Variants in PNPLA7 observed in about 807,000 individuals in gnomAD.
The protein encoded by PNPLA7 is patatin-like phospholipase domain-containing protein 7.
A neutral mutation model predicts 161.7 loss-of-function variants in PNPLA7; 153 were observed. The observed-to-expected ratio is 0.95, with a 90% confidence interval of 0.83 to 1.08. PNPLA7 has a LOEUF of 1.08. Among genes scored for constraint, PNPLA7 ranks in the 50% least tolerant of loss-of-function variants. The probability of loss-of-function intolerance (pLI) is 0.00; values close to 1 mark genes in which losing one functional copy is unlikely to be tolerated. For missense variants in PNPLA7, 1,739 were observed against 1,856.6 expected (o/e 0.94, Z 1.16); for synonymous variants, 809 against 782.1 (o/e 1.03, Z -0.57).
chr9:137,540,076 G>A lies in PNPLA7; in HGVS notation c.747+566C>T, dbSNP rs905433382. Among the ~76,000 whole-genome samples the A allele has an allele frequency of 1.3e-5, 2 of 152,178 alleles. No individual in the cohort carries two copies. The highest frequency in any genetic ancestry group is 2.4e-5 in the African/African-American group (1 of 41,436). ...TGGGATTACAGGTGTGAGCCACTGC[G>A]CCCGGCCCGGCAGCACCTTTCAAAA... On this transcript the variant is annotated intron_variant, in intron 8 of 34. Coordinates refer to ENST00000406427, the MANE Select transcript of PNPLA7 (RefSeq NM_001098537.3). This position sits in a 1 kb window ranked among gnomAD's most constrained non-coding sequence, Gnocchi z 5.1.
At chr9:137,549,379 A>C (rs1047006564) in intron 1 of PNPLA7, among the ~76,000 whole-genome samples, 3 of 152,082 alleles carry the variant, frequency 2.0e-5, no homozygotes, top group East Asian at 1.9e-4. Flanking sequence ...CATCCTGGCT[A>C]ACACAGTGAA....
intron 8 of PNPLA7, among the ~76,000 whole-genome samples, chr9:137,534,472 C>T (rs1360903261): frequency 6.6e-6 from 1 of 152,188 alleles, no homozygotes; most frequent in African/African-American, 2.4e-5. Context: ...CCAACAGTGT[C>T]CACTCCAGAT....
intron 20 of PNPLA7, among the ~76,000 whole-genome samples, chr9:137,489,447 G>GA (rs1415614805): frequency 6.6e-6 from 1 of 152,154 alleles, no homozygotes; most frequent in Non-Finnish European, 1.5e-5. Flanking sequence ...CAGTGACCAG[G>GA]ATGGGTCCAC....
chr9:137,504,424 C>T (rs1188098766), intron 14 of PNPLA7, among the ~76,000 whole-genome samples: 1 of 152,220 alleles, frequency 6.6e-6, no homozygotes, highest in Non-Finnish European at 1.5e-5. Flanking sequence ...GTTGGTCAGG[C>T]TGGTCTCGGA....
At chr9:137,514,304 C>A (rs558639174) in intron 12 of PNPLA7, among the ~76,000 whole-genome samples, 1 of 134,182 alleles carries the variant, frequency 7.5e-6, no homozygotes, top group Non-Finnish European at 1.5e-5. Context: ...GGGCTGTGGG[C>A]GGGTCACCTG....
rs1339922133 is a variant in PNPLA7 at position 137,463,123 on chromosome 9, T to A, written c.3344-290A>T. 5.1e-6 allele frequency: 3 copies of A among 589,862 alleles called. No individual in the cohort carries two copies. In the East Asian group the frequency reaches 8.5e-5, roughly 17 times the overall value. The allele number at this position is 589,862 out of a possible 1,614,324, so 36.5% of individuals were successfully genotyped here. On this transcript the variant is annotated intron_variant, in intron 29 of 34. Coordinates refer to ENST00000406427, the MANE Select transcript of PNPLA7 (RefSeq NM_001098537.3). Reference sequence around the variant, plus strand: ...GTTAGTTTCTGACTGTGGGCACAGATGGGGCTTAATTGCTCCCAGTTCCTC... The same window carrying A: ...GTTAGTTTCTGACTGTGGGCACAGAAGGGGCTTAATTGCTCCCAGTTCCTC...
At chr9:137,491,364 C>T (rs1419829208) in intron 20 of PNPLA7, 2 of 612,294 alleles carry the variant, frequency 3.3e-6, no homozygotes, top group Admixed American at 1.3e-4. Flanking sequence ...AGAATAATTA[C>T]ACTAAGTATC....
chr9:137,480,229 A>G, intron 23 of PNPLA7, 83 bp downstream of exon 23: 1 of 1,480,708 alleles, frequency 6.8e-7, no homozygotes, highest in Non-Finnish European at 9.1e-7. Flanking sequence ...GAGTTTGTGC[A>G]GTATTTTACT....
intron 19 of PNPLA7, 29 bp downstream of exon 19, chr9:137,495,004 C>T (rs1260722354): frequency 3.8e-6 from 6 of 1,579,774 alleles, no homozygotes; most frequent in African/African-American, 1.3e-5. Flanking sequence ...CCCTCATCCG[C>T]TCCGCATCCT....
intron 12 of PNPLA7, chr9:137,509,243 A>ATTTAGCTGGCATGAGTGAG (rs1272445447): frequency 1.3e-5 from 2 of 152,010 alleles, no homozygotes; most frequent in East Asian, 1.9e-4. Context: ...GCTGGCGTGA[A>ATTTAGCTGGCATGAGTGAG]TTTAGCTGGC....
chr9:137,540,399 A>C lies in PNPLA7; in HGVS notation c.747+243T>G, dbSNP rs553598079. 3.3e-5 allele frequency among the ~76,000 whole-genome samples: 5 copies of C among 152,334 alleles called. No individual in the cohort carries two copies. Among genetic ancestry groups the C allele is most frequent in the African/African-American group, 1.2e-4 (5 of 41,582 alleles). On this transcript the variant is annotated intron_variant, in intron 8 of 34. Transcript: ENST00000406427. The surrounding 1 kb of genome is among the most constrained non-coding windows in gnomAD (Gnocchi z 5.1). ...CCACATGCATTTATGACCCAGTTCA[A>C]CAACAGTCATTTAAGAGACAACCAA...
chr9:137,484,807 C>T lies in PNPLA7; in HGVS notation c.2198-71G>A, dbSNP rs117995682. On this transcript the variant is annotated intron_variant, in intron 20 of 34. Coordinates refer to ENST00000406427, the MANE Select transcript of PNPLA7 (RefSeq NM_001098537.3). ...ACAGATGCCTCCAGATGCCCTGGGG[C>T]CCCCCGAGGCTGCACAGGAGCAACG... The T allele has an allele frequency of 9.5e-4, 1,407 of 1,475,016 alleles. 25 individuals are homozygous for T. The East Asian group carries it at 0.027, about 28-fold the overall frequency. 91.4% of individuals were successfully genotyped at this position (1,475,016 alleles called of 1,614,324 possible).
intron 17 of PNPLA7, among the ~76,000 whole-genome samples, chr9:137,497,809 G>C (rs1297801961): frequency 6.6e-6 from 1 of 152,232 alleles, no homozygotes; most frequent in Admixed American, 6.5e-5. Context: ...TGACACGCGT[G>C]AGCCACCACG....
At chr9:137,462,988 G>T in intron 29 of PNPLA7, 155 bp from the exon 30 acceptor site, 1 of 1,031,700 alleles carries the variant, frequency 9.7e-7, no homozygotes, top group East Asian at 2.6e-5. Flanking sequence ...TGCCCAGCTC[G>T]ATGGGCAGCT....
chr9:137,499,227 GACACACAGAC>G lies in PNPLA7; in HGVS notation c.1758-992_1758-983del, dbSNP rs772949729. On this transcript the variant is annotated intron_variant, in intron 16 of 34. Transcript: ENST00000406427. This position sits in a 1 kb window ranked among gnomAD's most constrained non-coding sequence, Gnocchi z 5.5. Reference sequence around the variant, plus strand: ...ACACAGGCACACCGAGACACACACAGACACACAGACACACACAGACACAAGGAGACACACA... The same window carrying G: ...ACACAGGCACACCGAGACACACACAGACACACAGACACAAGGAGACACACA... Among the ~76,000 whole-genome samples, 56 of 150,602 alleles carry G rather than the reference GACACACAGAC, an allele frequency of 3.7e-4. No homozygotes were observed. Among genetic ancestry groups the G allele is most frequent in the Non-Finnish European group, 6.7e-4 (45 of 67,492 alleles).
Position 137,467,121 on chromosome 9 carries a change from C to CCACCA in PNPLA7, c.3039+195_3039+196insTGGTG, listed in dbSNP as rs1831514447. On this transcript the variant is annotated intron_variant, in intron 26 of 34. Transcript: ENST00000406427. The surrounding 1 kb of genome is among the most constrained non-coding windows in gnomAD (Gnocchi z 5.1). ...CCTGGGCACAGATCAGACCGCCTCC[C>CCACCA]ACCACCAACCTGCATCTGTGCCTTC... Among the ~76,000 whole-genome samples, 4 of 152,206 alleles carry CCACCA rather than the reference C, an allele frequency of 2.6e-5. No individual in the cohort carries two copies. The highest frequency in any genetic ancestry group is 4.4e-5 in the Non-Finnish European group (3 of 68,036).
rs748643250 is a variant in PNPLA7, at chr9:137,519,968, C to T, written c.1033G>A (p.Glu345Lys). ...GGTGGCTTTTTAAGCCGCTCTTCTT[C>T]GCCATAGAACACCTGCTTCTTGGCC... ...GKAKKQVFYG[E>K]EERLKKPPRL... The change falls in exon 11 of 35, where the codon GAA becomes AAA. Residue 345 changes from glutamate to lysine, a missense_variant. Glu to Lys is a moderately conservative substitution (Grantham distance 56). This residue lies in a region of PNPLA7 where 152 missense variants were observed against 193.5 expected (regional missense o/e 0.79). Coordinates refer to ENST00000406427, the MANE Select transcript of PNPLA7 (RefSeq NM_001098537.3). 24 of 1,612,714 alleles carry T rather than the reference C, an allele frequency of 1.5e-5. No individual in the cohort carries two copies. The highest frequency in any genetic ancestry group is 1.3e-4 in the South Asian group (12 of 91,092).
chr9:137,478,946 C>A, intron 24 of PNPLA7, 110 bp downstream of exon 24: 1 of 1,352,840 alleles, frequency 7.4e-7, no homozygotes, highest in Non-Finnish European at 9.9e-7. Context: ...CAGGAAGGGC[C>A]CAGGAGCGCA....
chr9:137,486,235 C>T lies in PNPLA7; in HGVS notation c.2198-1499G>A, dbSNP rs1461598860. ...GGCCAGGAGAGCAAGCCTGGGGACA[C>T]AGAACCAAGTGAGGGCTTAAGGGCC... is the stretch of plus-strand genomic sequence containing the variant. On this transcript the variant is annotated intron_variant, in intron 20 of 34. Coordinates refer to ENST00000406427, the MANE Select transcript of PNPLA7 (RefSeq NM_001098537.3). The surrounding 1 kb of genome is among the most constrained non-coding windows in gnomAD (Gnocchi z 6.0). Among the ~76,000 whole-genome samples the T allele has an allele frequency of 3.3e-5, 5 of 152,204 alleles. No homozygotes were observed. Among genetic ancestry groups the T allele is most frequent in the Admixed American group, 2.6e-4 (4 of 15,290 alleles).
Sources: allele counts gnomAD v4.1 joint callset (sites outside exome capture counted in the v4.1 genomes callset), GRCh38; gene constraint gnomAD v4.1.1; regional missense constraint gnomAD v4.1.1; non-coding constraint Gnocchi (gnomAD v3.1); transcripts MANE v1.5; gene names NCBI Gene and HGNC (gene_info 2026-07-23, HGNC 2026-07-21).